PTPN4: variants seen among roughly 807,000 people sequenced by gnomAD.
PTPN4 encodes the protein protein tyrosine phosphatase non-receptor type 4.
PTPN4 carries 49 observed loss-of-function variants against 135.5 expected under a neutral mutation model. That is an observed-to-expected ratio of 0.36 (90% CI 0.29 to 0.46). The LOEUF is 0.46. PTPN4 is among the 20% of genes least tolerant of loss of function. PTPN4 has a pLI of 1.00. For missense variants in PTPN4, 860 were observed against 1,101.0 expected, an observed-to-expected ratio of 0.78 and a Z score of 3.10; for synonymous variants, 333 against 369.9, an observed-to-expected ratio of 0.90 and a Z score of 1.14.
chr2:119,969,994 A>G (rs945651888), intron 26 of PTPN4, among the ~76,000 whole-genome samples: 2 of 152,152 alleles, frequency 1.3e-5, no homozygotes, highest in South Asian at 2.1e-4. Context: ...AAAGTATACA[A>G]TTCAGTGGGT....
At chr2:119,936,030 T>TCTCG (rs1379964789) in intron 15 of PTPN4, among the ~76,000 whole-genome samples, 2 of 151,434 alleles carry the variant, frequency 1.3e-5, no homozygotes, top group Non-Finnish European at 2.9e-5. Flanking sequence ...TGAGATGGAG[T>TCTCG]CTCGCTCTTT....
intron 19 of PTPN4, among the ~76,000 whole-genome samples, chr2:119,952,597 G>C (rs1012482406): frequency 6.6e-6 from 1 of 152,172 alleles, no homozygotes; most frequent in Non-Finnish European, 1.5e-5. Context: ...GAATGAATGA[G>C]TAAATTTGAA....
At chr2:119,961,895 G>A (rs904961945) in intron 23 of PTPN4, among the ~76,000 whole-genome samples, 5 of 152,142 alleles carry the variant, frequency 3.3e-5, no homozygotes, top group South Asian at 2.1e-4. Flanking sequence ...ATGGGGGAAC[G>A]GATGAGGAAG....
At chr2:119,895,426 G>A (rs1287622396) in intron 9 of PTPN4, among the ~76,000 whole-genome samples, 1 of 152,164 alleles carries the variant, frequency 6.6e-6, no homozygotes, top group Non-Finnish European at 1.5e-5. Context: ...GATCACCTGA[G>A]GTCAGGAGTT....
At chr2:119,970,955 G>A (rs2105065508) in intron 26 of PTPN4, among the ~76,000 whole-genome samples, 1 of 152,304 alleles carries the variant, frequency 6.6e-6, no homozygotes, top group African/African-American at 2.4e-5. Flanking sequence ...ATCAACACGT[G>A]TTACTGTCTT....
At chr2:119,895,273 A>G (rs188138427) in intron 9 of PTPN4, among the ~76,000 whole-genome samples, 217 of 152,344 alleles carry the variant, frequency 1.4e-3, no homozygotes, top group Non-Finnish European at 2.3e-3. Context: ...TGTACATCAT[A>G]ACATTGAGTG....
intron 2 of PTPN4, among the ~76,000 whole-genome samples, chr2:119,812,354 T>A (rs1304298528): frequency 6.6e-6 from 1 of 152,226 alleles, no homozygotes; most frequent in African/African-American, 2.4e-5. Flanking sequence ...GAAGGAGAAC[T>A]ACTCAGTTTC....
At position 119,781,764 on chromosome 2, in the gene PTPN4, G is replaced by A. The variant is rs10189386; in HGVS notation, c.-18+21380G>A. 2.8e-3 allele frequency among the ~76,000 whole-genome samples: 422 copies of A among 152,254 alleles called. 1 individual carries two copies. The highest frequency in any genetic ancestry group is 9.7e-3 in the African/African-American group (403 of 41,544). On this transcript the variant is annotated intron_variant, in intron 1 of 26. Coordinates refer to ENST00000263708, the MANE Select transcript of PTPN4 (RefSeq NM_002830.4). ...ATTTAGAATACAGCCATACTCATTC[G>A]TTTACATATTGTTTATGGCTGCTTT...
intron 3 of PTPN4, among the ~76,000 whole-genome samples, chr2:119,863,578 CCTCT>C (rs1174373366): frequency 6.6e-6 from 1 of 151,710 alleles, no homozygotes; most frequent in Non-Finnish European, 1.5e-5. Flanking sequence ...TTTTTTTCTT[CCTCT>C]CTCTCATGGT....
chr2:119,902,905 C>T (rs921589877), intron 10 of PTPN4, among the ~76,000 whole-genome samples: 2 of 152,136 alleles, frequency 1.3e-5, no homozygotes, highest in Non-Finnish European at 2.9e-5. Context: ...CTACACACCC[C>T]CTAAGACCCA....
chr2:119,871,729 G>A (rs897771376), intron 3 of PTPN4, among the ~76,000 whole-genome samples: 3 of 152,226 alleles, frequency 2.0e-5, no homozygotes, highest in African/African-American at 7.2e-5. Context: ...AAAAAAGCTT[G>A]AATGTTTTAT....
intron 2 of PTPN4, among the ~76,000 whole-genome samples, chr2:119,816,293 T>TA (rs1344642628): frequency 2.6e-5 from 4 of 152,202 alleles, no homozygotes; most frequent in Non-Finnish European, 5.9e-5. Context: ...GGTAGGCACT[T>TA]ATAGTCCCAG....
In PTPN4 at chr2:119,809,832, C is replaced by A; in HGVS notation, c.-17-5C>A. 6.5e-7 allele frequency: 1 copy of A among 1,531,778 alleles called. No homozygotes were observed. Among genetic ancestry groups the A allele is most frequent in the Non-Finnish European group, 8.7e-7 (1 of 1,144,274 alleles). The allele number at this position is 1,531,778 out of a possible 1,614,324, so 94.9% of individuals were successfully genotyped here. On this transcript the variant is annotated splice_polypyrimidine_tract_variant and splice_region_variant and intron_variant, in intron 1 of 26. Coordinates refer to ENST00000263708, the MANE Select transcript of PTPN4 (RefSeq NM_002830.4). The stretch of plus-strand genomic sequence containing the variant: ...ATTTAGTGAATTTTTTTTTTTTTAA[C>A]TTAGACTTTGTGTGGACAGTAATGA...
rs1437573234 is a variant in PTPN4, at chr2:119,984,506, T to A, written c.*7436T>A. Among the ~76,000 whole-genome samples, 2 of 152,194 alleles carry A rather than the reference T, an allele frequency of 1.3e-5. No individual in the cohort carries two copies. The highest frequency in any genetic ancestry group is 2.9e-5 in the Non-Finnish European group (2 of 68,028). ...ATCTCTTTCCATATGATCTCATAAT[T>A]GAGGCAAAGAAGCTAAGGGTTTATT... On this transcript the variant is annotated 3_prime_UTR_variant, in exon 27 of 27. Coordinates refer to ENST00000263708, the MANE Select transcript of PTPN4 (RefSeq NM_002830.4).
chr2:119,781,082 A>T lies in PTPN4; in HGVS notation c.-18+20698A>T, dbSNP rs555455827. Reference sequence around the variant, plus strand: ...AACTTAAGTTGTTTCATATTTCCTGATAGGAGTTTCTTTAAACTGCCTCTC... The same window carrying T: ...AACTTAAGTTGTTTCATATTTCCTGTTAGGAGTTTCTTTAAACTGCCTCTC... On this transcript the variant is annotated intron_variant, in intron 1 of 26. Transcript: ENST00000263708. Among the ~76,000 whole-genome samples the T allele has an allele frequency of 1.1e-4, 16 of 152,206 alleles. No homozygotes were observed. The South Asian group carries it at 2.3e-3, about 22-fold the overall frequency.
rs1269236668 is a variant in PTPN4, at chr2:119,878,815, C to T, written c.368+1273C>T. On this transcript the variant is annotated intron_variant, in intron 5 of 26. Transcript: ENST00000263708. The stretch of plus-strand genomic sequence containing the variant: ...TCCTCTTGAAAAACTAAGTTGTGGC[C>T]GGGTGCAGTGGCTCACGCCTGTAAT... Among the ~76,000 whole-genome samples the T allele has an allele frequency of 3.3e-5, 5 of 151,094 alleles. No individual in the cohort carries two copies. The South Asian group carries it at 6.3e-4, about 19-fold the overall frequency.
At chr2:119,857,878 G>C (rs971814692) in intron 2 of PTPN4, among the ~76,000 whole-genome samples, 1 of 152,156 alleles carries the variant, frequency 6.6e-6, no homozygotes, top group Non-Finnish European at 1.5e-5. Context: ...ATCTCATGCT[G>C]AAATGTGATT....
chr2:119,802,238 A>G (rs970755911), intron 1 of PTPN4, among the ~76,000 whole-genome samples: 2 of 152,184 alleles, frequency 1.3e-5, no homozygotes, highest in Non-Finnish European at 2.9e-5. Context: ...TAGGACTTGC[A>G]GCATTATGTT....
At position 119,984,737 on chromosome 2, in the gene PTPN4, T is replaced by C. The variant is rs531585744; in HGVS notation, c.*7667T>C. Reference sequence around the variant, plus strand: ...ATGCTGGTTTGCATTAATACTGTTTTAGTCTTAAGAGCAATTTATATTATG... The same window carrying C: ...ATGCTGGTTTGCATTAATACTGTTTCAGTCTTAAGAGCAATTTATATTATG... On this transcript the variant is annotated 3_prime_UTR_variant, in exon 27 of 27. Transcript: ENST00000263708. 6.6e-6 allele frequency among the ~76,000 whole-genome samples: 1 copy of C among 152,342 alleles called. No homozygotes were observed. Among genetic ancestry groups the C allele is most frequent in the Admixed American group, 6.5e-5 (1 of 15,302 alleles).
Sources: gnomAD v4.1 joint callset for allele counts (sites outside exome capture counted in the v4.1 genomes callset) on GRCh38, gnomAD v4.1.1 for gene constraint, MANE v1.5 for transcripts, NCBI Gene and HGNC (gene_info 2026-07-23, HGNC 2026-07-21) for gene names.